The following OSGIN1 variants were observed in gnomAD, a reference collection of about 807,000 sequenced individuals.
OSGIN1 encodes the protein oxidative stress induced growth inhibitor 1.
OSGIN1 carries 19 observed loss-of-function variants against 20.1 expected under a neutral mutation model. The observed-to-expected ratio is 0.95, with a 90% CI of 0.66 to 1.39. The LOEUF (loss-of-function observed/expected upper bound fraction) is 1.39. Among genes scored for constraint, OSGIN1 ranks in the 40% most tolerant of loss-of-function variants. The pLI, the probability that OSGIN1 is intolerant of heterozygous loss-of-function variation, is 0.00. For synonymous variants in OSGIN1, 368 were observed against 297.8 expected, an observed-to-expected ratio of 1.24 and a Z score of -2.43; for missense variants, 820 against 653.0, an observed-to-expected ratio of 1.26 and a Z score of -2.79.
chr16:83,954,531 G>GTTAC (rs1172537391), intron 1 of OSGIN1: 1 of 152,308 alleles, frequency 6.6e-6, no homozygotes, highest in Admixed American at 6.5e-5. Context: ...TGAAACTTTT[G>GTTAC]AACTCTCTTT....
chr16:83,954,823 C>T, intron 1 of OSGIN1: 1 of 750,466 alleles, frequency 1.3e-6, no homozygotes, highest in Non-Finnish European at 1.6e-6. Flanking sequence ...TCCTCATTGG[C>T]CAGCAGGGGC....
At position 83,966,297 on chromosome 16, in the gene OSGIN1, A is replaced by C. The variant is rs2151080948; in HGVS notation, c.*290A>C. 4.3e-6 allele frequency: 2 copies of C among 465,722 alleles called. No homozygotes were observed. Among genetic ancestry groups the C allele is most frequent in the Admixed American group, 7.8e-5 (2 of 25,694 alleles). 28.8% of individuals were successfully genotyped at this position (465,722 alleles called of 1,614,324 possible). ...GGAGACCTGCAGCCCTGCGCCTTCC[A>C]GAAGCAGGTCCCAAATAAAGCCAGT... On this transcript the variant is annotated 3_prime_UTR_variant, in exon 6 of 6. Coordinates refer to ENST00000393306, the MANE Select transcript of OSGIN1 (RefSeq NM_182981.3).
rs1171161784 is a variant in OSGIN1, at chr16:83,965,992, C to T, written c.1419C>T (p.Thr473=). ...AVASSLLRKE[T]RKPP ...CCAGCTCCCTGCTAAGGAAGGAGAC[C>T]AGGAAGCCACCCTAACACTCGGCCA... The change falls in exon 6 of 6, where the codon ACC becomes ACT. Residue 473 remains threonine (T), a synonymous_variant. Coordinates refer to ENST00000393306, the MANE Select transcript of OSGIN1 (RefSeq NM_182981.3). 2 of 1,579,426 alleles carry T rather than the reference C, an allele frequency of 1.3e-6. No homozygotes were observed. Among genetic ancestry groups the T allele is most frequent in the Non-Finnish European group, 8.6e-7 (1 of 1,164,016 alleles).
At chr16:83,961,561 GC>G (rs1457468539) in intron 5 of OSGIN1, among the ~76,000 whole-genome samples, 3 of 152,110 alleles carry the variant, frequency 2.0e-5, no homozygotes, top group Non-Finnish European at 4.4e-5. Flanking sequence ...GATTTCACAG[GC>G]CCCCCACAGT....
At chr16:83,962,201 T>C (rs2084223369) in intron 5 of OSGIN1, among the ~76,000 whole-genome samples, 1 of 152,144 alleles carries the variant, frequency 6.6e-6, no homozygotes, top group African/African-American at 2.4e-5. Context: ...CCCTGAATAT[T>C]TGAGATGGGT....
rs1012369980 is a variant in OSGIN1, at chr16:83,966,050, A to T, written c.*43A>T. On this transcript the variant is annotated 3_prime_UTR_variant, in exon 6 of 6. Transcript: ENST00000393306. ...TGGCTCCCAGGCCCTGAGAGGACAG[A>T]GATGACCACATCCCTGCTGGATGCA... 2 of 1,384,152 alleles carry T rather than the reference A, an allele frequency of 1.4e-6. No homozygotes were observed. Among genetic ancestry groups the T allele is most frequent in the Admixed American group, 5.2e-5 (2 of 38,748 alleles). The allele number at this position is 1,384,152 out of a possible 1,614,324, so 85.7% of individuals were successfully genotyped here.
At chr16:83,953,914 C>A (rs1303942495) in intron 1 of OSGIN1, among the ~76,000 whole-genome samples, 3 of 152,214 alleles carry the variant, frequency 2.0e-5, no homozygotes, top group African/African-American at 7.2e-5. Flanking sequence ...ACCCTGGGCT[C>A]CAGGTGTGCG....
chr16:83,960,856 C>G, intron 4 of OSGIN1, 96 bp downstream of exon 4: 2 of 1,486,060 alleles, frequency 1.3e-6, no homozygotes, highest in Non-Finnish European at 1.8e-6. Context: ...TCCTCATTCT[C>G]CACCCCGCAA....
intron 2 of OSGIN1, among the ~76,000 whole-genome samples, chr16:83,958,180 G>A (rs1424863679): frequency 6.6e-6 from 1 of 152,174 alleles, no homozygotes; most frequent in East Asian, 1.9e-4. Context: ...CCTGGCCCAG[G>A]CCTGGCCTCT....
intron 5 of OSGIN1, among the ~76,000 whole-genome samples, chr16:83,964,310 T>G (rs1038645011): frequency 4.0e-5 from 6 of 151,246 alleles, no homozygotes; most frequent in Non-Finnish European, 8.8e-5. Context: ...TCTCAAAAAA[T>G]TAAAATAAAA....
chr16:83,963,550 A>G (rs532355789), intron 5 of OSGIN1, among the ~76,000 whole-genome samples: 57 of 152,174 alleles, frequency 3.7e-4, no homozygotes, highest in African/African-American at 1.3e-3. Context: ...ATTATAAATA[A>G]CTCTGCACAG....
At chr16:83,958,437 T>C (rs778491508) in intron 2 of OSGIN1, among the ~76,000 whole-genome samples, 15 of 152,318 alleles carry the variant, frequency 9.8e-5, no homozygotes, top group Admixed American at 7.8e-4. Flanking sequence ...TAGCGGCTTA[T>C]GATTCCTGTC....
chr16:83,965,037 T>A (rs747704635), intron 5 of OSGIN1, 25 bp from the exon 6 acceptor site: 3 of 1,124,808 alleles, frequency 2.7e-6, no homozygotes, highest in Non-Finnish European at 3.8e-6. Context: ...TGTCTGACTC[T>A]GGCGTCCTGC....
rs200121755 is a variant in OSGIN1, at chr16:83,965,928, A to T, written c.1355A>T (p.Asn452Ile). 6.5e-4 allele frequency: 1,055 copies of T among 1,612,592 alleles called. 1 individual carries two copies. Among genetic ancestry groups the T allele is most frequent in the Non-Finnish European group, 4.2e-4 (491 of 1,179,898 alleles). Residue 452 changes from asparagine (N) to isoleucine (I), a missense_variant, in exon 6 of 6, where the codon AAC becomes ATC. By Grantham distance (149) the Asn-to-Ile change is moderately radical. Coordinates refer to ENST00000393306, the MANE Select transcript of OSGIN1 (RefSeq NM_182981.3). ...LYAMGPLAGD[N>I]FVRFVQGGAL... ...GCCATGGGGCCGCTGGCCGGGGACA[A>T]CTTCGTGAGGTTTGTGCAGGGGGGC...
At chr16:83,953,950 A>G (rs1908808248) in intron 1 of OSGIN1, among the ~76,000 whole-genome samples, 1 of 152,248 alleles carries the variant, frequency 6.6e-6, no homozygotes, top group Non-Finnish European at 1.5e-5. Flanking sequence ...CTCGTCTGTG[A>G]TAAATGGCAA....
At chr16:83,963,576 C>A (rs901180709) in intron 5 of OSGIN1, among the ~76,000 whole-genome samples, 1 of 152,144 alleles carries the variant, frequency 6.6e-6, no homozygotes, top group African/African-American at 2.4e-5. Flanking sequence ...GCTCTTGGGA[C>A]CGTTCTGTGT....
chr16:83,960,751 AGCCTG>A lies in OSGIN1; in HGVS notation c.390_394del (p.Trp131LeufsTer59), dbSNP rs1416775256. 6.2e-7 allele frequency: 1 copy of A among 1,612,858 alleles called. No individual in the cohort carries two copies. Among genetic ancestry groups the A allele is most frequent in the Non-Finnish European group, 8.5e-7 (1 of 1,179,854 alleles). On this transcript the variant is annotated frameshift_variant, in exon 4 of 6. Coordinates refer to ENST00000393306, the MANE Select transcript of OSGIN1 (RefSeq NM_182981.3). LOFTEE classifies it high-confidence loss of function. ...TTCTGGGCCGGAACCTCCCCGGGGG[AGCCTG>A]GCACGTGAGTGGGGCAGCGAGGGCA...
chr16:83,965,443 C>G lies in OSGIN1; in HGVS notation c.870C>G (p.Ile290Met). The part of the protein sequence containing the change: ...AVTPASDPVL[I>M]IGAGLSAADA... ...CCCCGGCCTCAGACCCTGTCCTCAT[C>G]ATTGGCGCGGGGCTGTCAGCGGCCG... The change falls in exon 6 of 6, where the codon ATC becomes ATG. Residue 290 changes from isoleucine to methionine, a missense_variant. Coordinates refer to ENST00000393306, the MANE Select transcript of OSGIN1 (RefSeq NM_182981.3). 1 of 1,594,822 alleles carries G rather than the reference C, an allele frequency of 6.3e-7. No homozygotes were observed. Among genetic ancestry groups the G allele is most frequent in the Non-Finnish European group, 8.5e-7 (1 of 1,174,484 alleles).
intron 5 of OSGIN1, among the ~76,000 whole-genome samples, chr16:83,964,551 T>C (rs1361334194): frequency 6.6e-6 from 1 of 152,110 alleles, no homozygotes; most frequent in African/African-American, 2.4e-5. Flanking sequence ...CTGAACTCTG[T>C]AAAAATGGAA....
Sources: allele counts gnomAD v4.1 joint callset (sites outside exome capture counted in the v4.1 genomes callset), GRCh38; gene constraint gnomAD v4.1.1; transcripts MANE v1.5; gene names NCBI Gene and HGNC (gene_info 2026-07-23, HGNC 2026-07-21).